PCNT: variants seen among roughly 807,000 people sequenced by gnomAD.
PCNT encodes the protein kendrin.
Under a neutral mutation model 380.4 loss-of-function variants are expected in PCNT, and 319 were observed. That is an observed-to-expected ratio of 0.84 (90% CI 0.77 to 0.92). The LOEUF is 0.92. Ranked by LOEUF, PCNT falls within the 40% of genes least tolerant of loss-of-function variation. The pLI, the probability that PCNT is intolerant of heterozygous loss-of-function variation, is 0.00. For missense variants in PCNT, 4,400 were observed against 4,255.3 expected (o/e 1.03, Z -0.95); for synonymous variants, 1,845 against 1,735.2 (o/e 1.06, Z -1.57).
At chr21:46,396,307 A>G (rs946818568) in intron 21 of PCNT, among the ~76,000 whole-genome samples, 1 of 152,226 alleles carries the variant, frequency 6.6e-6, no homozygotes, top group African/African-American at 2.4e-5. Context: ...GCCTAAGGTC[A>G]GGGTGCCAGC....
chr21:46,361,912 T>C (rs1272190032), intron 13 of PCNT, among the ~76,000 whole-genome samples: 1 of 152,212 alleles, frequency 6.6e-6, no homozygotes, highest in African/African-American at 2.4e-5. Flanking sequence ...TGGTTTCCAT[T>C]GATTGTGTTT....
rs920501239 is a variant in PCNT at position 46,381,244 on chromosome 21, G to A, written c.3166-450G>A. ...TGTGTGTGTGTGTGTGTGTGTGTGT[G>A]TATAGAATTCATCTATTGAACCTTA... On this transcript the variant is annotated intron_variant, in intron 15 of 46. Coordinates refer to ENST00000359568, the MANE Select transcript of PCNT (RefSeq NM_006031.6). Among the ~76,000 whole-genome samples the A allele has an allele frequency of 3.6e-3, 440 of 123,070 alleles. 9 individuals are homozygous for A. The highest frequency in any genetic ancestry group is 1.3e-3 in the East Asian group (5 of 3,762). 80.7% of individuals were successfully genotyped at this position (123,070 alleles called of 152,430 possible). A position where few individuals can be genotyped will look rare whatever the true frequency, so the allele number is the denominator to read the frequency against.
chr21:46,384,029 C>G (rs3949169), intron 16 of PCNT, among the ~76,000 whole-genome samples: 16,411 of 134,940 alleles, frequency 0.12, 1,693 homozygotes, highest in Non-Finnish European at 0.15. Context: ...GTTGTATATT[C>G]AGTGATGGAA....
In PCNT at chr21:46,411,708, G is replaced by A. The variant is rs777880620; in HGVS notation, c.5635G>A (p.Ala1879Thr). 7 of 1,612,720 alleles carry A rather than the reference G, an allele frequency of 4.3e-6. No homozygotes were observed. Among genetic ancestry groups the A allele is most frequent in the South Asian group, 2.2e-5 (2 of 91,082 alleles). ...TIAERNLEID[A>T]LNQRKAAHSA... ...TGCCGAGAGAAATTTAGAAATCGAC[G>A]CTCTGAACCAGCGGAAGGCGGCCCA... Residue 1879 changes from alanine (A) to threonine (T), a missense_variant, in exon 28 of 47, where the codon GCT becomes ACT. Ala to Thr is a moderately conservative substitution (Grantham distance 58). Transcript: ENST00000359568.
intron 35 of PCNT, 149 bp from the exon 36 acceptor site, chr21:46,429,860 AC>A: frequency 1.5e-6 from 1 of 658,600 alleles, no homozygotes; most frequent in Non-Finnish European, 2.7e-6. Flanking sequence ...TCCTGGTTCC[AC>A]CCGCAGTGAA....
At position 46,397,446 on chromosome 21, in the gene PCNT, G is replaced by A. The variant is rs758956746; in HGVS notation, c.4398G>A (p.Gln1466=). The A allele has an allele frequency of 6.2e-7, 1 of 1,614,180 alleles. No individual in the cohort carries two copies. Among genetic ancestry groups the A allele is most frequent in the South Asian group, 1.1e-5 (1 of 91,082 alleles). The change falls in exon 22 of 47, where the codon CAG becomes CAA. Residue 1466 remains glutamine (Q), a synonymous_variant. Transcript: ENST00000359568. ...QAEAVTALEQ[Q]VASLDKHLRN... ...AGGCCGTCACTGCCCTGGAACAGCAGGTGGCATCTCTGGACAAGCATTTGC... is the reference window on the plus strand; with the variant it reads ...AGGCCGTCACTGCCCTGGAACAGCAAGTGGCATCTCTGGACAAGCATTTGC...
intron 2 of PCNT, among the ~76,000 whole-genome samples, chr21:46,333,363 C>T (rs1298302728): frequency 2.7e-5 from 4 of 148,100 alleles, no homozygotes; most frequent in African/African-American, 5.0e-5. Flanking sequence ...ACCCGGGAGG[C>T]AGAGCTTACA....
At chr21:46,381,447 C>T (rs1358882587) in intron 15 of PCNT, among the ~76,000 whole-genome samples, 1 of 152,112 alleles carries the variant, frequency 6.6e-6, no homozygotes, top group Non-Finnish European at 1.5e-5. Context: ...GCTTATGACA[C>T]GCAGCTGTCA....
At chr21:46,410,225 T>G (rs2086742279) in intron 27 of PCNT, among the ~76,000 whole-genome samples, 1 of 151,490 alleles carries the variant, frequency 6.6e-6, no homozygotes, top group Non-Finnish European at 1.5e-5. Flanking sequence ...TGTTCATCGG[T>G]GGTAAATGCA....
rs774517427 is a variant in PCNT at position 46,432,086 on chromosome 21, A to G, written c.8622A>G (p.Glu2874=). The G allele has an allele frequency of 3.1e-6, 5 of 1,614,146 alleles. No homozygotes were observed. The highest frequency in any genetic ancestry group is 4.2e-6 in the Non-Finnish European group (5 of 1,180,046). ...AGAAACCAGCGTGGTTGCAGGCAGA[A>G]TTAGAGCAGTCACACCCACGGTTGA... ...EREKPAWLQA[E]LEQSHPRLKE... The change falls in exon 38 of 47, where the codon GAA becomes GAG. Residue 2874 remains glutamate (E), a synonymous_variant. Transcript: ENST00000359568.
In PCNT at chr21:46,416,221, C is replaced by G; in HGVS notation, c.6303C>G (p.Ala2101=). The change falls in exon 30 of 47, where the codon GCC becomes GCG. Residue 2101 remains alanine, a synonymous_variant. Coordinates refer to ENST00000359568, the MANE Select transcript of PCNT (RefSeq NM_006031.6). The part of the protein sequence containing the change: ...AADTKSLWPM[A]SAHLLESSWS... Reference sequence around the variant, plus strand: ...ACACCAAATCTCTGTGGCCCATGGCCTCAGCACACCTGTTGGAGAGCAGCT... The same window carrying G: ...ACACCAAATCTCTGTGGCCCATGGCGTCAGCACACCTGTTGGAGAGCAGCT... 1 of 1,614,190 alleles carries G rather than the reference C, an allele frequency of 6.2e-7. No homozygotes were observed. The highest frequency in any genetic ancestry group is 8.5e-7 in the Non-Finnish European group (1 of 1,180,032).
Position 46,411,445 on chromosome 21 carries a change from A to C in PCNT, c.5372A>C (p.Glu1791Ala). 1 of 1,611,622 alleles carries C rather than the reference A, an allele frequency of 6.2e-7. No homozygotes were observed. Among genetic ancestry groups the C allele is most frequent in the Non-Finnish European group, 8.5e-7 (1 of 1,179,438 alleles). Reference sequence around the variant, plus strand: ...CCTCGTGGGCAGGCCCTACAGGGCGAGCTCGAGGCTGCGCTGGAAGCCAAG... The same window carrying C: ...CCTCGTGGGCAGGCCCTACAGGGCGCGCTCGAGGCTGCGCTGGAAGCCAAG... ...GGPRGQALQG[E>A]LEAALEAKEA... The change falls in exon 28 of 47, where the codon GAG becomes GCG. Residue 1791 changes from glutamate (E) to alanine (A), a missense_variant. Glu to Ala is a moderately radical substitution (Grantham distance 107). Coordinates refer to ENST00000359568, the MANE Select transcript of PCNT (RefSeq NM_006031.6).
chr21:46,425,745 G>A lies in PCNT; in HGVS notation c.7180-86G>A, dbSNP rs2087466662. 2 of 1,592,520 alleles carry A rather than the reference G, an allele frequency of 1.3e-6. No homozygotes were observed. Among genetic ancestry groups the A allele is most frequent in the South Asian group, 1.1e-5 (1 of 90,502 alleles). ...AGCTGCCCGCCCTTCACAGAGTCCT[G>A]GCGGCAGCTCGGGGCCGCAGGTGGT... On this transcript the variant is annotated intron_variant, in intron 32 of 46. Coordinates refer to ENST00000359568, the MANE Select transcript of PCNT (RefSeq NM_006031.6). This position sits in a 1 kb window ranked among gnomAD's most constrained non-coding sequence, Gnocchi z 4.2.
In PCNT at chr21:46,428,657, G is replaced by A. The variant is rs1265916508; in HGVS notation, c.7690+67G>A. 3.6e-6 allele frequency: 5 copies of A among 1,376,844 alleles called. No homozygotes were observed. In the African/African-American group the frequency reaches 7.1e-5, roughly 20 times the overall value. 85.3% of individuals were successfully genotyped at this position (1,376,844 alleles called of 1,614,324 possible). On this transcript the variant is annotated intron_variant, in intron 35 of 46. Coordinates refer to ENST00000359568, the MANE Select transcript of PCNT (RefSeq NM_006031.6). The stretch of plus-strand genomic sequence containing the variant: ...ACCTGCCCGCCCGACACTCACCTGT[G>A]TGGCCTTGGGAGCAGAGGGTGGTGA...
At chr21:46,376,523 T>A (rs947588399) in intron 15 of PCNT, among the ~76,000 whole-genome samples, 1 of 152,236 alleles carries the variant, frequency 6.6e-6, no homozygotes, top group Non-Finnish European at 1.5e-5. Flanking sequence ...GAGCATGAGC[T>A]GTTGTGGGCA....
At chr21:46,360,213 ATTTTT>A (rs71318070) in intron 13 of PCNT, among the ~76,000 whole-genome samples, 5 of 82,464 alleles carry the variant, frequency 6.1e-5, no homozygotes, top group African/African-American at 5.1e-5. Flanking sequence ...ATAGTTGGCA[ATTTTT>A]TTTTTTTTTT....
At chr21:46,331,349 T>C (rs1040183362) in intron 2 of PCNT, among the ~76,000 whole-genome samples, 2 of 144,994 alleles carry the variant, frequency 1.4e-5, no homozygotes, top group Admixed American at 6.7e-5. Flanking sequence ...TAACCAACTT[T>C]AAGATCTTAG....
Position 46,366,877 on chromosome 21 carries a change from T to G in PCNT, c.2903T>G (p.Leu968Arg), listed in dbSNP as rs767533911. 6.2e-7 allele frequency: 1 copy of G among 1,614,180 alleles called. No homozygotes were observed. ...GALETRHLSS[L>R]DSLESCYLSE... Reference sequence around the variant, plus strand: ...CTGGAGACCAGACATCTGTCCAGCCTTGATTCTTTGGAATCCTGTTACCTC... The same window carrying G: ...CTGGAGACCAGACATCTGTCCAGCCGTGATTCTTTGGAATCCTGTTACCTC... The change falls in exon 15 of 47, where the codon CTT becomes CGT. Residue 968 changes from leucine (L) to arginine (R), a missense_variant. Coordinates refer to ENST00000359568, the MANE Select transcript of PCNT (RefSeq NM_006031.6).
chr21:46,355,318 G>A (rs959001031), intron 11 of PCNT, 134 bp from the exon 12 acceptor site: 10 of 915,756 alleles, frequency 1.1e-5, no homozygotes, highest in South Asian at 4.0e-5. Context: ...TCACCAGGGC[G>A]CAGCGTGTGG....
Sources: allele counts gnomAD v4.1 joint callset (sites outside exome capture counted in the v4.1 genomes callset), GRCh38; gene constraint gnomAD v4.1.1; non-coding constraint Gnocchi (gnomAD v3.1); transcripts MANE v1.5; gene names NCBI Gene and HGNC (gene_info 2026-07-23, HGNC 2026-07-21).